CNTN5: variants seen among roughly 807,000 people sequenced by gnomAD.
CNTN5 encodes the protein contactin 5.
In CNTN5, 77 loss-of-function variants were observed where a neutral mutation model predicts 129.1. The observed-to-expected ratio is 0.60, with a 90% confidence interval of 0.50 to 0.72. CNTN5 has a LOEUF of 0.72. CNTN5 is among the 30% of genes least tolerant of loss of function. CNTN5 has a pLI of 0.00. For synonymous variants in CNTN5, 509 were observed against 465.6 expected, an observed-to-expected ratio of 1.09 and a Z score of -1.20; for missense variants, 1,478 against 1,328.8, an observed-to-expected ratio of 1.11 and a Z score of -1.75.
chr11:99,795,859 T>G (rs1945916806), intron 3 of CNTN5, among the ~76,000 whole-genome samples: 1 of 151,930 alleles, frequency 6.6e-6, no homozygotes, highest in South Asian at 2.1e-4. Context: ...GAACTTGCAG[T>G]TCTAAGGTAT....
intron 6 of CNTN5, among the ~76,000 whole-genome samples, chr11:99,903,477 T>C (rs1365203735): frequency 6.6e-6 from 1 of 152,088 alleles, no homozygotes; most frequent in Non-Finnish European, 1.5e-5. Flanking sequence ...AAGCATAATG[T>C]TATACTCACA....
intron 1 of CNTN5, among the ~76,000 whole-genome samples, chr11:99,212,019 C>T (rs532852528): frequency 2.5e-4 from 38 of 152,186 alleles, no homozygotes; most frequent in South Asian, 6.2e-4. Context: ...AACAACTTTC[C>T]GGCCAGTGCA....
intron 13 of CNTN5, among the ~76,000 whole-genome samples, chr11:100,121,734 TAGAG>T (rs1390526557): frequency 1.3e-5 from 2 of 152,038 alleles, no homozygotes; most frequent in African/African-American, 4.8e-5. Context: ...GTGAATAAAA[TAGAG>T]AGTCTCTTGT....
chr11:99,734,972 C>G (rs543723597), intron 3 of CNTN5, among the ~76,000 whole-genome samples: 1 of 152,192 alleles, frequency 6.6e-6, no homozygotes, highest in African/African-American at 2.4e-5. Context: ...AGCACCACTG[C>G]AGTCCGCCCT....
intron 3 of CNTN5, among the ~76,000 whole-genome samples, chr11:99,763,836 A>G (rs1456631927): frequency 6.6e-6 from 1 of 152,034 alleles, no homozygotes; most frequent in Non-Finnish European, 1.5e-5. Flanking sequence ...AAAAATCTCA[A>G]GCATAACCAT....
intron 2 of CNTN5, among the ~76,000 whole-genome samples, chr11:99,477,113 GAA>G (rs1945400317): frequency 6.6e-6 from 1 of 151,434 alleles, no homozygotes; most frequent in African/African-American, 2.4e-5. Context: ...TATTTAATTT[GAA>G]AAAATATTTA....
chr11:99,958,030 C>A (rs1338212363), intron 8 of CNTN5, among the ~76,000 whole-genome samples: 1 of 151,294 alleles, frequency 6.6e-6, no homozygotes, highest in East Asian at 1.9e-4. Context: ...AGTAACAACA[C>A]CATCAGGTAA....
At chr11:99,853,258 G>A (rs1947930360) in intron 6 of CNTN5, among the ~76,000 whole-genome samples, 1 of 152,032 alleles carries the variant, frequency 6.6e-6, no homozygotes, top group Non-Finnish European at 1.5e-5. Context: ...GCTAAATGTT[G>A]CTATGTTTCA....
chr11:100,010,486 G>T lies in CNTN5; in HGVS notation c.980+8350G>T, dbSNP rs555840483. On this transcript the variant is annotated intron_variant, in intron 9 of 24. Transcript: ENST00000524871. Reference sequence around the variant, plus strand: ...ATTGCTGCTAAGGGAAGGATTCCCTGCTGAGGTGCCATTCAGGGGCTATCG... The same window carrying T: ...ATTGCTGCTAAGGGAAGGATTCCCTTCTGAGGTGCCATTCAGGGGCTATCG... 2.6e-4 allele frequency among the ~76,000 whole-genome samples: 40 copies of T among 152,200 alleles called. No individual in the cohort carries two copies. In the South Asian group the frequency reaches 3.9e-3, roughly 15 times the overall value.
At chr11:99,179,209 A>G (rs1056023051) in intron 1 of CNTN5, among the ~76,000 whole-genome samples, 1 of 152,148 alleles carries the variant, frequency 6.6e-6, no homozygotes, top group African/African-American at 2.4e-5. Context: ...CGGGGGGCCA[A>G]GGGAGGTAGA....
intron 6 of CNTN5, among the ~76,000 whole-genome samples, chr11:99,850,530 A>G (rs1258616021): frequency 6.6e-6 from 1 of 152,188 alleles, no homozygotes; most frequent in Non-Finnish European, 1.5e-5. Flanking sequence ...CACCCAATAT[A>G]TTTACAAATA....
At chr11:100,222,101 T>C (rs1262509805) in intron 15 of CNTN5, among the ~76,000 whole-genome samples, 1 of 152,218 alleles carries the variant, frequency 6.6e-6, no homozygotes, top group Non-Finnish European at 1.5e-5. Flanking sequence ...TCTATTCTTT[T>C]TAACTTTTAA....
chr11:100,331,248 A>G (rs911899437), intron 21 of CNTN5, among the ~76,000 whole-genome samples: 9 of 152,204 alleles, frequency 5.9e-5, no homozygotes, highest in African/African-American at 2.2e-4. Flanking sequence ...GGGATATTAT[A>G]TAATGATAAA....
At chr11:99,624,187 A>G (rs1951050850) in intron 3 of CNTN5, among the ~76,000 whole-genome samples, 1 of 151,464 alleles carries the variant, frequency 6.6e-6, no homozygotes, top group Admixed American at 6.6e-5. Flanking sequence ...CTTTGAAAGC[A>G]GAACCTATTT....
intron 6 of CNTN5, among the ~76,000 whole-genome samples, chr11:99,864,589 T>C (rs1948305784): frequency 6.6e-6 from 1 of 152,150 alleles, no homozygotes; most frequent in Admixed American, 6.6e-5. Context: ...TCCTTGGATC[T>C]TCCTATGTTT....
intron 2 of CNTN5, among the ~76,000 whole-genome samples, chr11:99,442,371 C>T (rs1176001753): frequency 6.6e-6 from 1 of 151,934 alleles, no homozygotes; most frequent in Non-Finnish European, 1.5e-5. Context: ...GGTTTCACCA[C>T]ATTGGCCAGG....
At chr11:99,231,237 C>A (rs1860979938) in intron 1 of CNTN5, among the ~76,000 whole-genome samples, 1 of 152,194 alleles carries the variant, frequency 6.6e-6, no homozygotes. Context: ...ACACTGTCTT[C>A]TACAATGGTT....
intron 1 of CNTN5, among the ~76,000 whole-genome samples, chr11:99,297,436 G>A (rs1004068376): frequency 1.3e-5 from 2 of 151,164 alleles, no homozygotes; most frequent in Non-Finnish European, 3.0e-5. Context: ...AGCACAGAGT[G>A]CAAGGCAGAT....
chr11:99,164,095 A>C (rs1037460098), intron 1 of CNTN5, among the ~76,000 whole-genome samples: 3 of 152,176 alleles, frequency 2.0e-5, no homozygotes, highest in African/African-American at 4.8e-5. Flanking sequence ...TGGGTGGCCA[A>C]GGCGGGTGGA....
Sources: allele counts gnomAD v4.1 joint callset (sites outside exome capture counted in the v4.1 genomes callset), GRCh38; gene constraint gnomAD v4.1.1; transcripts MANE v1.5; gene names NCBI Gene and HGNC (gene_info 2026-07-23, HGNC 2026-07-21).